METTL24: variants seen among roughly 807,000 people sequenced by gnomAD.
The protein encoded by METTL24 is probable methyltransferase-like protein 24.
METTL24 carries 29 observed loss-of-function variants against 32.7 expected under a neutral mutation model. That is an observed-to-expected ratio of 0.89 (90% CI 0.66 to 1.21). The LOEUF (loss-of-function observed/expected upper bound fraction) is 1.21, where lower values mean the gene tolerates loss of function less well. Ranked by LOEUF, METTL24 falls within the 50% of genes most tolerant of loss-of-function variation. The pLI, the probability that METTL24 is intolerant of heterozygous loss-of-function variation, is 0.00. For synonymous variants in METTL24, 163 were observed against 179.5 expected, an observed-to-expected ratio of 0.91 and a Z score of 0.73; for missense variants, 439 against 468.1, an observed-to-expected ratio of 0.94 and a Z score of 0.57.
At chr6:110,297,767 C>T (rs1379683988) in intron 4 of METTL24, among the ~76,000 whole-genome samples, 1 of 152,200 alleles carries the variant, frequency 6.6e-6, no homozygotes, top group African/African-American at 2.4e-5. Flanking sequence ...ACCCAAAAAT[C>T]CTATATGTGT....
intron 4 of METTL24, among the ~76,000 whole-genome samples, chr6:110,286,289 G>A (rs9487343): frequency 0.18 from 27,862 of 152,042 alleles, 6,052 homozygotes; most frequent in African/African-American, 0.53. Context: ...TCCTTTCTAC[G>A]CACAGAGGTT....
At chr6:110,337,930 A>G (rs1772270898) in intron 1 of METTL24, among the ~76,000 whole-genome samples, 1 of 152,238 alleles carries the variant, frequency 6.6e-6, no homozygotes, top group Admixed American at 6.5e-5. Context: ...CAAGTGTGTC[A>G]ATCTTGTTTC....
chr6:110,252,083 G>A (rs1320701994), intron 4 of METTL24, among the ~76,000 whole-genome samples: 3 of 152,180 alleles, frequency 2.0e-5, no homozygotes, highest in Non-Finnish European at 4.4e-5. Flanking sequence ...GGCAGAGGTT[G>A]CAGTGAGCTG....
intron 1 of METTL24, among the ~76,000 whole-genome samples, chr6:110,345,304 G>C (rs992771326): frequency 6.6e-6 from 1 of 152,164 alleles, no homozygotes; most frequent in Non-Finnish European, 1.5e-5. Flanking sequence ...ATGGAGAAAA[G>C]GGAACATTTA....
chr6:110,343,689 G>A (rs146786903), intron 1 of METTL24, among the ~76,000 whole-genome samples: 1 of 152,146 alleles, frequency 6.6e-6, no homozygotes, highest in African/African-American at 2.4e-5. Flanking sequence ...GAACAATGGA[G>A]CAGGGGCCTA....
chr6:110,277,550 A>C (rs1771068739), intron 4 of METTL24, among the ~76,000 whole-genome samples: 1 of 152,112 alleles, frequency 6.6e-6, no homozygotes, highest in African/African-American at 2.4e-5. Flanking sequence ...CCCCATATTA[A>C]ATCTATGATT....
chr6:110,279,807 T>A (rs1320465034), intron 4 of METTL24, among the ~76,000 whole-genome samples: 1 of 152,128 alleles, frequency 6.6e-6, no homozygotes, highest in Non-Finnish European at 1.5e-5. Flanking sequence ...CTTGTGTTGG[T>A]CCATTCTCAT....
At chr6:110,273,155 G>A (rs1381223939) in intron 4 of METTL24, among the ~76,000 whole-genome samples, 3 of 152,078 alleles carry the variant, frequency 2.0e-5, no homozygotes, top group African/African-American at 7.2e-5. Context: ...GGTGAGAGAT[G>A]AGGATCCAGT....
intron 1 of METTL24, among the ~76,000 whole-genome samples, chr6:110,335,562 CATTGTTTTTT>C (rs1477923790): frequency 1.9e-5 from 2 of 106,854 alleles, no homozygotes; most frequent in South Asian, 3.3e-4. Flanking sequence ...TGTAGGGAAT[CATTGTTTTTT>C]TTTTTTTTTT....
intron 3 of METTL24, 83 bp from the exon 4 acceptor site, chr6:110,299,233 C>T (rs989313386): frequency 4.9e-6 from 6 of 1,233,444 alleles, no homozygotes; most frequent in Non-Finnish European, 7.0e-6. Context: ...GTTCCAAGGC[C>T]AAGGTTCTTA....
At chr6:110,312,609 T>C (rs138515476) in intron 3 of METTL24, among the ~76,000 whole-genome samples, 17 of 152,274 alleles carry the variant, frequency 1.1e-4, no homozygotes, top group African/African-American at 3.8e-4. Context: ...GAAACACAAA[T>C]ATTGCATCTT....
In METTL24 at chr6:110,315,395, C is replaced by G. The variant is rs1771800014; in HGVS notation, c.504G>C (p.Arg168Ser). The change falls in exon 3 of 5, where the codon AGG becomes AGC. Residue 168 changes from arginine (R) to serine (S), a missense_variant. Physicochemically the swap from Arg to Ser is moderately radical, Grantham distance 110. Transcript: ENST00000338882. Reference sequence around the variant, plus strand: ...TGCGGATTTGATGAGCTAAATTGAACCTGTCGTCAAGACACACTGACCAGG... The same window carrying G: ...TGCGGATTTGATGAGCTAAATTGAAGCTGTCGTCAAGACACACTGACCAGG... ...HKPWSVCLDD[R>S]FNLAHQIRNK... The G allele has an allele frequency of 3.7e-6, 6 of 1,614,146 alleles. No individual in the cohort carries two copies. Among genetic ancestry groups the G allele is most frequent in the Non-Finnish European group, 5.1e-6 (6 of 1,180,020 alleles).
At position 110,244,669 on chromosome 6, in the gene METTL24, T is replaced by A. The variant is rs553688616; in HGVS notation, c.*1277A>T. On this transcript the variant is annotated 3_prime_UTR_variant, in exon 5 of 5. Transcript: ENST00000338882. ...GCCAAGTGAAGGGGGACACCTCTTA[T>A]AAAACCATCAGATCTCATGAGAACT... 1.4e-4 allele frequency among the ~76,000 whole-genome samples: 22 copies of A among 152,184 alleles called. No individual in the cohort carries two copies. Among genetic ancestry groups the A allele is most frequent in the South Asian group, 6.2e-4 (3 of 4,826 alleles).
intron 3 of METTL24, among the ~76,000 whole-genome samples, chr6:110,302,467 G>GTA (rs1213340653): frequency 1.3e-4 from 13 of 96,478 alleles, no homozygotes; most frequent in Non-Finnish European, 1.4e-4. Context: ...ACACATATGT[G>GTA]TATATATACA....
chr6:110,293,409 AT>A (rs1771355470), intron 4 of METTL24, among the ~76,000 whole-genome samples: 2 of 151,868 alleles, frequency 1.3e-5, no homozygotes, highest in African/African-American at 4.8e-5. Flanking sequence ...TGTAGTTAAA[AT>A]TTTTTTGTAT....
chr6:110,326,743 T>C (rs917392719), intron 1 of METTL24, among the ~76,000 whole-genome samples: 4 of 152,210 alleles, frequency 2.6e-5, no homozygotes, highest in Non-Finnish European at 5.9e-5. Context: ...TGGAGAAGTC[T>C]GTAGTACAGG....
At chr6:110,269,179 G>GA (rs1291086221) in intron 4 of METTL24, among the ~76,000 whole-genome samples, 1 of 152,054 alleles carries the variant, frequency 6.6e-6, no homozygotes, top group Non-Finnish European at 1.5e-5. Flanking sequence ...ATATAAAGAA[G>GA]AAAAACATTG....
At chr6:110,270,204 C>T (rs1351892805) in intron 4 of METTL24, among the ~76,000 whole-genome samples, 3 of 152,030 alleles carry the variant, frequency 2.0e-5, no homozygotes, top group African/African-American at 7.2e-5. Context: ...GGGACTGTGT[C>T]ATCTTACTTG....
At position 110,358,162 on chromosome 6, in the gene METTL24, C is replaced by T; in HGVS notation, c.111G>A (p.Gly37=). 1 of 1,211,280 alleles carries T rather than the reference C, an allele frequency of 8.3e-7. No individual in the cohort carries two copies. 75.0% of individuals were successfully genotyped at this position (1,211,280 alleles called of 1,614,324 possible). ...GGGCGCTGCGGGTGGGGGACCCGGG[C>T]CCGGCGCGCCGCAGCTCTGCGCAGA... ...LRLCAELRRA[G]PGSPTRSAPP... The change falls in exon 1 of 5, where the codon GGG becomes GGA. Residue 37 remains glycine (G), a synonymous_variant. Coordinates refer to ENST00000338882, the MANE Select transcript of METTL24 (RefSeq NM_001123364.3).
Sources: allele counts gnomAD v4.1 joint callset (sites outside exome capture counted in the v4.1 genomes callset), GRCh38; gene constraint gnomAD v4.1.1; transcripts MANE v1.5; gene names NCBI Gene and HGNC (gene_info 2026-07-23, HGNC 2026-07-21).